The following NLRP5 variants were observed in gnomAD, a reference collection of about 807,000 sequenced individuals.
The protein encoded by NLRP5 is NACHT, LRR and PYD domains-containing protein 5.
In NLRP5, 93 loss-of-function variants were observed where a neutral mutation model predicts 113.1. The observed-to-expected ratio is 0.82, with a 90% CI of 0.70 to 0.98. NLRP5 has a LOEUF of 0.98. Among genes scored for constraint, NLRP5 ranks in the 50% least tolerant of loss-of-function variants. The probability of loss-of-function intolerance (pLI) is 0.00; values close to 1 mark genes in which losing one functional copy is unlikely to be tolerated. For synonymous variants in NLRP5, 751 were observed against 600.7 expected (o/e 1.25, Z -3.66); for missense variants, 1,808 against 1,514.3 (o/e 1.19, Z -3.22).
At chr19:56,045,004 T>G (rs956753801) in intron 11 of NLRP5, among the ~76,000 whole-genome samples, 1 of 152,244 alleles carries the variant, frequency 6.6e-6, no homozygotes, top group Non-Finnish European at 1.5e-5. Flanking sequence ...GTTCTTGATT[T>G]GATTCTCCGC....
At chr19:56,051,432 A>G (rs1489407251) in intron 12 of NLRP5, among the ~76,000 whole-genome samples, 1 of 152,158 alleles carries the variant, frequency 6.6e-6, no homozygotes, top group Non-Finnish European at 1.5e-5. Context: ...ACCTCAGGCA[A>G]TCCACCCACT....
chr19:56,005,064 A>G (rs1186272233), intron 2 of NLRP5, among the ~76,000 whole-genome samples: 2 of 146,814 alleles, frequency 1.4e-5, no homozygotes, highest in African/African-American at 5.1e-5. Context: ...ACTGCACTCC[A>G]GCCTGGGCAA....
At chr19:56,006,579 A>G (rs1981921661) in intron 2 of NLRP5, among the ~76,000 whole-genome samples, 1 of 151,788 alleles carries the variant, frequency 6.6e-6, no homozygotes, top group African/African-American at 2.4e-5. Flanking sequence ...TAAAAATACA[A>G]AAATTAGCCA....
Position 56,009,862 on chromosome 19 carries a change from A to G in NLRP5, c.508+1009A>G, listed in dbSNP as rs143618499. Among the ~76,000 whole-genome samples, 727 of 152,192 alleles carry G rather than the reference A, an allele frequency of 4.8e-3. 2 individuals carry two copies. Among genetic ancestry groups the G allele is most frequent in the African/African-American group, 0.017 (689 of 41,530 alleles). On this transcript the variant is annotated intron_variant, in intron 3 of 14. Coordinates refer to ENST00000390649, the MANE Select transcript of NLRP5 (RefSeq NM_153447.4). ...GGTGGGGAAAGAGCTCTTCAAAGCT[A>G]ACATCTGAGTAACTGGCATCTGAAT...
In NLRP5 at chr19:56,027,065, C is replaced by T. The variant is rs1386214747; in HGVS notation, c.832C>T (p.Arg278Trp). 1.3e-5 allele frequency: 21 copies of T among 1,556,058 alleles called. No homozygotes were observed. The highest frequency in any genetic ancestry group is 2.4e-5 in the South Asian group (2 of 84,296). ...TTTTGATTCAGACCGGTGGGGCTTC[C>T]GGCCTCGCACGGTGGTTCTGCACGG... The change falls in exon 7 of 15, where the codon CGG (arginine) becomes TGG (tryptophan). Residue 278 changes from arginine (R) to tryptophan (W), a missense_variant. Physicochemically the swap from Arg to Trp is moderately radical, Grantham distance 101. Transcript: ENST00000390649.
At position 56,053,742 on chromosome 19, in the gene NLRP5, G is replaced by A; in HGVS notation, c.3233G>A (p.Gly1078Asp). The stretch of plus-strand genomic sequence containing the variant: ...CTGGATCTCACGGACAATGCCCTGG[G>A]TGACGGTGGGGTTGCTGCGCTGTGC... Residue 1078 changes from glycine to aspartate, a missense_variant, in exon 13 of 15, where the codon GGT becomes GAT. Physicochemically the swap from Gly to Asp is moderately conservative, Grantham distance 94 (BLOSUM62 -1). Coordinates refer to ENST00000390649, the MANE Select transcript of NLRP5 (RefSeq NM_153447.4). The A allele has an allele frequency of 6.2e-7, 1 of 1,613,998 alleles. No homozygotes were observed. The highest frequency in any genetic ancestry group is 8.5e-7 in the Non-Finnish European group (1 of 1,179,892).
chr19:56,009,871 G>A lies in NLRP5; in HGVS notation c.508+1018G>A, dbSNP rs561555831. 3.9e-5 allele frequency among the ~76,000 whole-genome samples: 6 copies of A among 152,218 alleles called. No individual in the cohort carries two copies. The South Asian group carries it at 1.2e-3, about 32-fold the overall frequency. On this transcript the variant is annotated intron_variant, in intron 3 of 14. Transcript: ENST00000390649. ...AGAGCTCTTCAAAGCTAACATCTGA[G>A]TAACTGGCATCTGAATCAGAGGCTC...
intron 13 of NLRP5, among the ~76,000 whole-genome samples, chr19:56,055,690 T>C (rs36015252): frequency 0.17 from 26,293 of 150,558 alleles, 2,667 homozygotes; most frequent in Non-Finnish European, 0.23. Context: ...GGACTACAGG[T>C]GCCCGCCACC....
chr19:56,029,168 A>G (rs1212597240), intron 7 of NLRP5, among the ~76,000 whole-genome samples: 1 of 152,198 alleles, frequency 6.6e-6, no homozygotes, highest in Non-Finnish European at 1.5e-5. Context: ...TGCCTTGTCC[A>G]GTAGGACAGC....
At chr19:56,019,312 A>G (rs566662843) in intron 4 of NLRP5, 30 bp from the exon 5 acceptor site, 2 of 1,613,622 alleles carry the variant, frequency 1.2e-6, no homozygotes, top group South Asian at 1.1e-5. Flanking sequence ...AATAAACACA[A>G]GTATGTTGGA....
In NLRP5 at chr19:56,026,875, C is replaced by CT; in HGVS notation, c.680-37dup. The stretch of plus-strand genomic sequence containing the variant: ...ACAGGTGCGAGCCACTGTGCCTGGT[C>CT]TGTTTCCTGATTTTCATTCTACCCT... On this transcript the variant is annotated intron_variant, in intron 6 of 14. Transcript: ENST00000390649. The CT allele has an allele frequency of 1.2e-5, 18 of 1,530,798 alleles. 1 individual carries two copies. In the Middle Eastern group the frequency reaches 3.1e-3, roughly 263 times the overall value. 94.8% of individuals were successfully genotyped at this position (1,530,798 alleles called of 1,614,324 possible).
the NLRP5 span, among the ~76,000 whole-genome samples, chr19:55,991,985 C>A: frequency 6.6e-6 from 1 of 152,036 alleles, no homozygotes; most frequent in African/African-American, 2.4e-5. Context: ...AAGCCCAGTA[C>A]CCAGTCGTTA....
At chr19:56,019,022 C>G (rs1568487436) in intron 4 of NLRP5, among the ~76,000 whole-genome samples, 2 of 151,460 alleles carry the variant, frequency 1.3e-5, no homozygotes, top group African/African-American at 4.9e-5. Flanking sequence ...CCTCGAACCC[C>G]TGACCTCTGG....
intron 7 of NLRP5, among the ~76,000 whole-genome samples, chr19:56,031,521 C>A (rs1183918437): frequency 3.3e-5 from 5 of 150,856 alleles, no homozygotes; most frequent in African/African-American, 1.2e-4. Flanking sequence ...ATCTCAGCTA[C>A]TTGGGAGGCT....
At chr19:56,057,421 T>C (rs777696031) in intron 13 of NLRP5, among the ~76,000 whole-genome samples, 1 of 152,206 alleles carries the variant, frequency 6.6e-6, no homozygotes, top group African/African-American at 2.4e-5. Flanking sequence ...CAGCCTCCGC[T>C]CTCACCACTG....
chr19:56,023,325 A>G (rs1281994812), intron 6 of NLRP5, among the ~76,000 whole-genome samples: 1 of 152,094 alleles, frequency 6.6e-6, no homozygotes, highest in Non-Finnish European at 1.5e-5. Context: ...AGCTCAGCAA[A>G]TAGAGGTTCT....
intron 2 of NLRP5, among the ~76,000 whole-genome samples, chr19:56,005,352 T>TACAC (rs376812343): frequency 0.029 from 3,986 of 137,910 alleles, 79 homozygotes; most frequent in Non-Finnish European, 0.038. Context: ...CACATACACA[T>TACAC]ATATTTTTAT....
Position 56,027,691 on chromosome 19 carries a change from G to C in NLRP5, c.1458G>C (p.Val486=). ...GCGTGGCCCTGCAGCTGCAGGACGT[G>C]GTGGGGGAGAGCGTCGCCCCCTTCA... Residue 486 remains valine, a synonymous_variant, in exon 7 of 15, where the codon GTG becomes GTC. Transcript: ENST00000390649. 1 of 1,613,454 alleles carries C rather than the reference G, an allele frequency of 6.2e-7. No homozygotes were observed. Among genetic ancestry groups the C allele is most frequent in the South Asian group, 1.1e-5 (1 of 91,086 alleles).
intron 2 of NLRP5, among the ~76,000 whole-genome samples, chr19:56,006,121 T>C (rs1422840343): frequency 6.6e-6 from 1 of 152,148 alleles, no homozygotes; most frequent in African/African-American, 2.4e-5. Context: ...TCATGTCCTT[T>C]ATAGGGACAT....
Sources: gnomAD v4.1 joint callset for allele counts (sites outside exome capture counted in the v4.1 genomes callset) on GRCh38, gnomAD v4.1.1 for gene constraint, MANE v1.5 for transcripts, NCBI Gene and HGNC (gene_info 2026-07-23, HGNC 2026-07-21) for gene names.